Variants in FBXL20 observed in about 807,000 individuals in gnomAD.
FBXL20 encodes F-box/LRR-repeat protein 20.
FBXL20 carries 11 observed loss-of-function variants against 64.0 expected under a neutral mutation model. The ratio of observed to expected loss-of-function variants is 0.17; its 90% CI spans 0.11 to 0.28. The LOEUF (loss-of-function observed/expected upper bound fraction) is 0.28, where lower values mean the gene tolerates loss of function less well. Among genes scored for constraint, FBXL20 ranks in the 10% least tolerant of loss-of-function variants. The probability of loss-of-function intolerance (pLI) is 1.00; values close to 1 mark genes in which losing one functional copy is unlikely to be tolerated. For synonymous variants in FBXL20, 184 were observed against 189.0 expected (o/e 0.97, Z 0.22); for missense variants, 303 against 526.2 (o/e 0.58, Z 4.15).
intron 1 of FBXL20, among the ~76,000 whole-genome samples, chr17:39,383,980 TC>T (rs1292918076): frequency 6.6e-6 from 1 of 151,922 alleles, no homozygotes; most frequent in Admixed American, 6.6e-5. Flanking sequence ...ATGCCCATAA[TC>T]CTAGCATTTT....
At chr17:39,305,474 G>A (rs1448331088) in intron 2 of FBXL20, among the ~76,000 whole-genome samples, 1 of 152,218 alleles carries the variant, frequency 6.6e-6, no homozygotes, top group Non-Finnish European at 1.5e-5. Flanking sequence ...GGAGGCTGAA[G>A]TGGAAAGACT....
chr17:39,320,016 C>T (rs562700354), intron 2 of FBXL20, among the ~76,000 whole-genome samples: 135 of 152,190 alleles, frequency 8.9e-4, no homozygotes, highest in Middle Eastern at 3.2e-3. Flanking sequence ...AAAGTCCCTT[C>T]TGTCCTTGAG....
intron 2 of FBXL20, among the ~76,000 whole-genome samples, chr17:39,336,924 G>A (rs1023204552): frequency 6.6e-6 from 1 of 150,968 alleles, no homozygotes; most frequent in Non-Finnish European, 1.5e-5. Context: ...TAACATCATG[G>A]ATGTTAAAAA....
intron 7 of FBXL20, 77 bp from the exon 8 acceptor site, chr17:39,282,932 A>G (rs2144391546): frequency 6.5e-7 from 1 of 1,548,028 alleles, no homozygotes. Context: ...TTTATTGGCT[A>G]TTTAGTAAAG....
chr17:39,270,887 T>C (rs764501923), intron 10 of FBXL20, 31 bp from the exon 11 acceptor site: 14 of 1,516,986 alleles, frequency 9.2e-6, no homozygotes, highest in South Asian at 1.2e-5. Flanking sequence ...ACAGTGAAAG[T>C]CAAGCTCTTG....
rs369488275 is a variant in FBXL20 at position 39,401,426 on chromosome 17, C to T, written c.-24G>A. The T allele has an allele frequency of 2.7e-5, 42 of 1,582,628 alleles. No individual in the cohort carries two copies. In the African/African-American group the frequency reaches 5.3e-4, roughly 20 times the overall value. ...ATGGGGCCGGCGGGTGCGGCCCGGG[C>T]CGGGCGCTGCGGCGAGCGGAGTGCA... is the stretch of plus-strand genomic sequence containing the variant. On this transcript the variant is annotated 5_prime_UTR_variant, in exon 1 of 15. Coordinates refer to ENST00000264658, the MANE Select transcript of FBXL20 (RefSeq NM_032875.3).
chr17:39,269,296 C>T (rs1239921669), intron 11 of FBXL20, among the ~76,000 whole-genome samples: 1 of 151,988 alleles, frequency 6.6e-6, no homozygotes, highest in African/African-American at 2.4e-5. Context: ...CGGGTTCACG[C>T]CATTCTCCTG....
At position 39,364,448 on chromosome 17, in the gene FBXL20, C is replaced by T. The variant is rs567613976; in HGVS notation, c.43-21207G>A. ...ACATGGCAATACCTTCTCTCAAAAA[C>T]AACAACAAAAATTATCTGGGCGTGG... On this transcript the variant is annotated intron_variant, in intron 1 of 14. Coordinates refer to ENST00000264658, the MANE Select transcript of FBXL20 (RefSeq NM_032875.3). 5.9e-5 allele frequency among the ~76,000 whole-genome samples: 9 copies of T among 151,944 alleles called. No individual in the cohort carries two copies. The South Asian group carries it at 1.5e-3, about 25-fold the overall frequency.
chr17:39,264,110 G>GAA, intron 14 of FBXL20, 65 bp downstream of exon 14: 1 of 1,495,088 alleles, frequency 6.7e-7, no homozygotes, highest in Non-Finnish European at 9.1e-7. Flanking sequence ...TTGAAAAAAG[G>GAA]AAAAAAAAAG....
rs1466191438 is a variant in FBXL20, at chr17:39,324,319, C to T, written c.104+18861G>A. Among the ~76,000 whole-genome samples, 2 of 149,018 alleles carry T rather than the reference C, an allele frequency of 1.3e-5. 1 individual carries two copies. The highest frequency in any genetic ancestry group is 5.2e-5 in the African/African-American group (2 of 38,596). On this transcript the variant is annotated intron_variant, in intron 2 of 14. Coordinates refer to ENST00000264658, the MANE Select transcript of FBXL20 (RefSeq NM_032875.3). ...TTCTTTTTTTTTTAGACAAGAGTCT[C>T]ACACTGTCACCTAGGCTGGAGTGCA...
intron 2 of FBXL20, among the ~76,000 whole-genome samples, chr17:39,334,871 T>G (rs1237809292): frequency 6.6e-6 from 1 of 152,140 alleles, no homozygotes; most frequent in Non-Finnish European, 1.5e-5. Context: ...GGGTGGATCC[T>G]GAGGTCACAA....
chr17:39,375,738 T>C (rs1488762142), intron 1 of FBXL20, among the ~76,000 whole-genome samples: 1 of 152,208 alleles, frequency 6.6e-6, no homozygotes, highest in Non-Finnish European at 1.5e-5. Flanking sequence ...GGAGTTTTCA[T>C]TCAAGAAAAA....
chr17:39,372,982 A>G (rs2047932871), intron 1 of FBXL20, among the ~76,000 whole-genome samples: 1 of 152,150 alleles, frequency 6.6e-6, no homozygotes, highest in South Asian at 2.1e-4. Context: ...ATGCTTGATT[A>G]AATTAGACTA....
intron 1 of FBXL20, among the ~76,000 whole-genome samples, chr17:39,377,331 C>A (rs1176248313): frequency 1.3e-5 from 2 of 152,080 alleles, no homozygotes; most frequent in Non-Finnish European, 2.9e-5. Flanking sequence ...AATCAGCACT[C>A]CTGGCTCACT....
chr17:39,371,300 T>TA (rs1227265922), intron 1 of FBXL20, among the ~76,000 whole-genome samples: 1 of 152,236 alleles, frequency 6.6e-6, no homozygotes, highest in Non-Finnish European at 1.5e-5. Flanking sequence ...ATACTTTTTT[T>TA]AAAAAATCAA....
chr17:39,398,723 G>T (rs1301197868), intron 1 of FBXL20, among the ~76,000 whole-genome samples: 4 of 151,882 alleles, frequency 2.6e-5, no homozygotes, highest in Non-Finnish European at 5.9e-5. Flanking sequence ...CGCCCAGGCT[G>T]GAGTAAAATG....
intron 1 of FBXL20, among the ~76,000 whole-genome samples, chr17:39,398,889 G>A (rs563377372): frequency 1.3e-5 from 2 of 152,054 alleles, no homozygotes; most frequent in East Asian, 2.0e-4. Flanking sequence ...TGGTCAGGCT[G>A]GTCTTGAACT....
upstream of FBXL20, chr17:39,401,670 C>T: frequency 2.3e-6 from 3 of 1,312,354 alleles, no homozygotes; most frequent in Non-Finnish European, 2.9e-6. Flanking sequence ...CCCCACCTGC[C>T]AGCAACGCCG....
At chr17:39,332,049 GC>G in intron 2 of FBXL20, among the ~76,000 whole-genome samples, 1 of 152,144 alleles carries the variant, frequency 6.6e-6, no homozygotes, top group African/African-American at 2.4e-5. Flanking sequence ...TCAATTAACA[GC>G]AAGTGTATGA....
Sources: gnomAD v4.1 joint callset for allele counts (sites outside exome capture counted in the v4.1 genomes callset) on GRCh38, gnomAD v4.1.1 for gene constraint, MANE v1.5 for transcripts, NCBI Gene and HGNC (gene_info 2026-07-23, HGNC 2026-07-21) for gene names.